The following PRPSAP1 variants were observed in gnomAD, a reference collection of about 807,000 sequenced individuals.
PRPSAP1 encodes the protein phosphoribosyl pyrophosphate synthase-associated protein 1.
A neutral mutation model predicts 39.4 loss-of-function variants in PRPSAP1; 31 were observed. That is an observed-to-expected ratio of 0.79 (90% CI 0.59 to 1.06). PRPSAP1 has a LOEUF of 1.06. PRPSAP1 is among the 50% of genes least tolerant of loss of function. PRPSAP1 has a pLI of 0.00. For synonymous variants in PRPSAP1, 212 were observed against 192.6 expected (o/e 1.10, Z -0.83); for missense variants, 430 against 511.6 (o/e 0.84, Z 1.54).
intron 7 of PRPSAP1, among the ~76,000 whole-genome samples, chr17:76,328,086 A>G (rs2143492443): frequency 6.6e-6 from 1 of 151,838 alleles, no homozygotes; most frequent in Non-Finnish European, 1.5e-5. Flanking sequence ...AGTCCCAGCT[A>G]CCCAGGAGGC....
intron 3 of PRPSAP1, among the ~76,000 whole-genome samples, chr17:76,340,506 T>C (rs2071424317): frequency 6.6e-6 from 1 of 151,798 alleles, no homozygotes; most frequent in African/African-American, 2.4e-5. Flanking sequence ...TTGGTTACCA[T>C]GTGATATCAA....
intron 8 of PRPSAP1, chr17:76,313,532 A>C (rs2071090914): frequency 2.6e-6 from 1 of 388,488 alleles, no homozygotes; most frequent in African/African-American, 2.0e-5. Context: ...CCTAACGCTC[A>C]AGCATGATTA....
rs1193092085 is a variant in PRPSAP1 at position 76,344,718 on chromosome 17, T to G, written c.243A>C (p.Lys81Asn). Residue 81 changes from lysine to asparagine, a missense_variant, in exon 3 of 10, where the codon AAA becomes AAC. Physicochemically the swap from Lys to Asn is moderately conservative, Grantham distance 94. Coordinates refer to ENST00000446526, the MANE Select transcript of PRPSAP1 (RefSeq NM_002766.3). ...AAATATCTTGGCCACGAACAGATTC[T>G]TTTATTTCAACTCTTGTTTCTGAAA... ...ETNGETRVEI[K>N]ESVRGQDIFI... The G allele has an allele frequency of 6.3e-7, 1 of 1,581,132 alleles. No homozygotes were observed. Among genetic ancestry groups the G allele is most frequent in the East Asian group, 2.2e-5 (1 of 44,736 alleles).
At chr17:76,329,735 C>CAAA (rs201739683) in intron 6 of PRPSAP1, among the ~76,000 whole-genome samples, 2 of 123,252 alleles carry the variant, frequency 1.6e-5, no homozygotes, top group African/African-American at 5.9e-5. Flanking sequence ...AACTCCATTT[C>CAAA]AAAAAAAAAA....
chr17:76,312,954 G>C lies in PRPSAP1; in HGVS notation c.915C>G (p.Gly305=), dbSNP rs143166285. The C allele has an allele frequency of 1.9e-6, 3 of 1,614,020 alleles. No individual in the cohort carries two copies. The highest frequency in any genetic ancestry group is 2.5e-6 in the Non-Finnish European group (3 of 1,180,008). ...VAAAEILKER[G]AYKIYVMATH... ...TGGCCATAACATAGATCTTATAGGC[G>C]CCTCTCTCTTTCAGGATCTCCGCGG... The change falls in exon 9 of 10, where the codon GGC becomes GGG. Residue 305 remains glycine, a synonymous_variant. Transcript: ENST00000446526.
chr17:76,316,849 C>T (rs1323300874), intron 7 of PRPSAP1, among the ~76,000 whole-genome samples: 1 of 152,216 alleles, frequency 6.6e-6, no homozygotes, highest in Non-Finnish European at 1.5e-5. Context: ...TAAAGCTGCA[C>T]TGACAACCCT....
intron 3 of PRPSAP1, among the ~76,000 whole-genome samples, chr17:76,335,428 T>C (rs959308525): frequency 2.6e-5 from 4 of 152,102 alleles, no homozygotes; most frequent in Non-Finnish European, 5.9e-5. Flanking sequence ...CGATCTCAGC[T>C]CACTGCAACC....
rs1338004801 is a variant in PRPSAP1, at chr17:76,310,708, A to G, written c.*834T>C. 6.6e-6 allele frequency: 1 copy of G among 150,874 alleles called. No individual in the cohort carries two copies. The highest frequency in any genetic ancestry group is 2.4e-5 in the African/African-American group (1 of 40,886). The allele number at this position is 150,874 out of a possible 1,614,324, so 9.3% of individuals were successfully genotyped here. ...GGTCTGAAACTCCTGGGCTCAAGCA[A>G]TCCTCCTTGCCTCAGCCTCCCAAAG... On this transcript the variant is annotated 3_prime_UTR_variant, in exon 10 of 10. Transcript: ENST00000446526.
Position 76,344,698 on chromosome 17 carries a change from T to C in PRPSAP1, c.263A>G (p.Asp88Gly). Residue 88 changes from aspartate (D) to glycine (G), a missense_variant, in exon 3 of 10, where the codon GAT (aspartate) becomes GGT (glycine). By Grantham distance (94) the Asp-to-Gly change is moderately conservative (BLOSUM62 -1). Transcript: ENST00000446526. ...GGGTATTGTCTGTATAATGAAAATATCTTGGCCACGAACAGATTCTTTTAT... is the reference window on the plus strand; with the variant it reads ...GGGTATTGTCTGTATAATGAAAATACCTTGGCCACGAACAGATTCTTTTAT... ...VEIKESVRGQ[D>G]IFIIQTIPRD... 6.3e-7 allele frequency: 1 copy of C among 1,582,818 alleles called. No homozygotes were observed. The highest frequency in any genetic ancestry group is 8.6e-7 in the Non-Finnish European group (1 of 1,159,846).
chr17:76,349,757 A>G (rs1598545329), intron 1 of PRPSAP1, among the ~76,000 whole-genome samples: 1 of 152,076 alleles, frequency 6.6e-6, no homozygotes, highest in African/African-American at 2.4e-5. Context: ...GCGAAACTCC[A>G]TCTCAAAAAA....
Position 76,332,293 on chromosome 17 carries a change from T to C in PRPSAP1, c.433A>G (p.Lys145Glu), listed in dbSNP as rs2071330056. ...TTCGCCAGCATGGATGCTAGCAGCTTGCACACAATGGAACCCCTCTTCCTC... is the reference window on the plus strand; with the variant it reads ...TTCGCCAGCATGGATGCTAGCAGCTCGCACACAATGGAACCCCTCTTCCTC... ...KMRKRGSIVC[K>E]LLASMLAKAG... The change falls in exon 4 of 10, where the codon AAG becomes GAG. Residue 145 changes from lysine to glutamate, a missense_variant. Lys to Glu is a moderately conservative substitution (Grantham distance 56). Transcript: ENST00000446526. 1 of 1,614,016 alleles carries C rather than the reference T, an allele frequency of 6.2e-7. No homozygotes were observed. Among genetic ancestry groups the C allele is most frequent in the Non-Finnish European group, 8.5e-7 (1 of 1,180,030 alleles).
intron 2 of PRPSAP1, among the ~76,000 whole-genome samples, chr17:76,348,102 G>A (rs1194023829): frequency 6.6e-6 from 1 of 152,058 alleles, no homozygotes; most frequent in Non-Finnish European, 1.5e-5. Context: ...TGGGAAGACT[G>A]CTTGAGCTCA....
At chr17:76,333,482 T>C (rs2071346386) in intron 3 of PRPSAP1, among the ~76,000 whole-genome samples, 1 of 151,788 alleles carries the variant, frequency 6.6e-6, no homozygotes. Context: ...TTGTCTCTAC[T>C]AAAAATACAA....
Position 76,311,603 on chromosome 17 carries a change from C to T in PRPSAP1, c.1097G>A (p.Arg366Gln), listed in dbSNP as rs765517620. Reference protein sequence around the residue: ...DISLILSEAIRRIHNGESMAY... With the variant: ...DISLILSEAIQRIHNGESMAY... ...CATGGACTCTCCATTGTGGATTCTC[C>T]GAATGGCTTCAGAAAGAATCAAACT... Residue 366 changes from arginine (R) to glutamine (Q), a missense_variant, in exon 10 of 10, where the codon CGG becomes CAG. Around this residue, in one of 2 missense-constraint regions of PRPSAP1, gnomAD observed 278 missense variants for 376.3 expected, o/e 0.74. Transcript: ENST00000446526. 28 of 1,614,016 alleles carry T rather than the reference C, an allele frequency of 1.7e-5. 1 individual carries two copies. The highest frequency in any genetic ancestry group is 4.5e-5 in the East Asian group (2 of 44,898).
At position 76,311,678 on chromosome 17, in the gene PRPSAP1, G is replaced by A; in HGVS notation, c.1022C>T (p.Pro341Leu). The change falls in exon 10 of 10, where the codon CCT (proline) becomes CTT (leucine). Residue 341 changes from proline (P) to leucine (L), a missense_variant. Pro to Leu is a moderately conservative substitution (Grantham distance 98). Transcript: ENST00000446526. ...VDEVVVTNTV[P>L]HEVQKLQCPK... Reference sequence around the variant, plus strand: ...ACATTGCAGCTTCTGAACCTCATGAGGGACAGTATTCGTCACCACCACCTA... The same window carrying A: ...ACATTGCAGCTTCTGAACCTCATGAAGGACAGTATTCGTCACCACCACCTA... 6.2e-7 allele frequency: 1 copy of A among 1,613,944 alleles called. No homozygotes were observed. Among genetic ancestry groups the A allele is most frequent in the Non-Finnish European group, 8.5e-7 (1 of 1,179,984 alleles).
chr17:76,318,529 C>G (rs532351162), intron 7 of PRPSAP1, among the ~76,000 whole-genome samples: 15 of 152,178 alleles, frequency 9.9e-5, no homozygotes, highest in Non-Finnish European at 2.2e-4. Context: ...AATATTTATT[C>G]TGTCATAACC....
chr17:76,353,793 G>C lies in PRPSAP1; in HGVS notation c.-90C>G. The C allele has an allele frequency of 7.2e-7, 1 of 1,390,168 alleles. No individual in the cohort carries two copies. 86.1% of individuals were successfully genotyped at this position (1,390,168 alleles called of 1,614,324 possible). A position where few individuals can be genotyped will look rare whatever the true frequency, so the allele number is the denominator to read the frequency against. On this transcript the variant is annotated 5_prime_UTR_variant, in exon 1 of 10. Transcript: ENST00000446526. ...GCGAGACCCCGGTTTGGGTGGGGAAGGCGCTGAGAAACTCGGCGCAAGCGG... is the reference window on the plus strand; with the variant it reads ...GCGAGACCCCGGTTTGGGTGGGGAACGCGCTGAGAAACTCGGCGCAAGCGG...
intron 1 of PRPSAP1, among the ~76,000 whole-genome samples, chr17:76,351,144 T>A (rs1462890989): frequency 6.6e-6 from 1 of 151,722 alleles, no homozygotes; most frequent in Non-Finnish European, 1.5e-5. Context: ...ACGCCTATAA[T>A]CCCAGATCGT....
Position 76,353,627 on chromosome 17 carries a change from G to C in PRPSAP1, c.77C>G (p.Pro26Arg). The C allele has an allele frequency of 6.5e-7, 1 of 1,547,810 alleles. No individual in the cohort carries two copies. The highest frequency in any genetic ancestry group is 8.7e-7 in the Non-Finnish European group (1 of 1,152,648). Residue 26 changes from proline (P) to arginine (R), a missense_variant, in exon 1 of 10, where the codon CCC (proline) becomes CGC (arginine). Pro to Arg is a moderately radical substitution (Grantham distance 103, BLOSUM62 -2). Around this residue, in one of 2 missense-constraint regions of PRPSAP1, gnomAD observed 152 missense variants for 135.2 expected, o/e 1.12. Coordinates refer to ENST00000446526, the MANE Select transcript of PRPSAP1 (RefSeq NM_002766.3). Reference protein sequence around the residue: ...AFRVPRARPVPPPAMNAARTG... With the variant: ...AFRVPRARPVRPPAMNAARTG... ...GCGAGCGGCGTTCATGGCCGGCGGG[G>C]GAACGGGGCGGGCGCGCGGGACGCG...
Sources: allele counts gnomAD v4.1 joint callset (sites outside exome capture counted in the v4.1 genomes callset), GRCh38; gene constraint gnomAD v4.1.1; regional missense constraint gnomAD v4.1.1; transcripts MANE v1.5; gene names NCBI Gene and HGNC (gene_info 2026-07-23, HGNC 2026-07-21).